The following CACNB2 variants were observed in gnomAD, a reference collection of about 807,000 sequenced individuals.
The protein encoded by CACNB2 is voltage-dependent L-type calcium channel subunit beta-2.
Under a neutral mutation model 73.3 loss-of-function variants are expected in CACNB2, and 42 were observed. The observed-to-expected ratio is 0.57, with a 90% CI of 0.45 to 0.74. The LOEUF (loss-of-function observed/expected upper bound fraction) is 0.74, where lower values mean the gene tolerates loss of function less well. Among genes scored for constraint, CACNB2 ranks in the 30% least tolerant of loss-of-function variants. The pLI is 0.00. For synonymous variants in CACNB2, 348 were observed against 310.3 expected (o/e 1.12, Z -1.28); for missense variants, 940 against 853.0 (o/e 1.10, Z -1.27).
intron 9 of CACNB2, among the ~76,000 whole-genome samples, chr10:18,524,532 G>A (rs537981185): frequency 6.9e-4 from 105 of 151,886 alleles, no homozygotes; most frequent in African/African-American, 2.4e-3. Context: ...GTGGGCACCT[G>A]TAATCCCAGC....
intron 2 of CACNB2, chr10:18,340,943 T>G: frequency 6.2e-7 from 1 of 1,614,160 alleles, no homozygotes; most frequent in South Asian, 1.1e-5. Context: ...GACAGACGCC[T>G]TATAGCTCCT....
At chr10:18,335,917 T>G (rs963725561) in intron 2 of CACNB2, among the ~76,000 whole-genome samples, 1 of 141,994 alleles carries the variant, frequency 7.0e-6, no homozygotes, top group Non-Finnish European at 1.5e-5. Context: ...TCCATCCTCA[T>G]CCTTCTCTTC....
At chr10:18,504,827 T>C (rs2050402813) in intron 5 of CACNB2, among the ~76,000 whole-genome samples, 1 of 152,174 alleles carries the variant, frequency 6.6e-6, no homozygotes, top group Admixed American at 6.5e-5. Context: ...GTATTTTTAG[T>C]AGAGACAGGG....
chr10:18,388,962 T>C (rs2043349490), intron 2 of CACNB2, among the ~76,000 whole-genome samples: 6 of 152,118 alleles, frequency 3.9e-5, no homozygotes, highest in Admixed American at 1.3e-4. Context: ...TTACAGAAAA[T>C]ATGTATAAAT....
At chr10:18,532,108 T>TTTTAC (rs1386811280) in intron 10 of CACNB2, 2 of 152,192 alleles carry the variant, frequency 1.3e-5, no homozygotes, top group African/African-American at 4.8e-5. Flanking sequence ...AAAGCATCAT[T>TTTTAC]TTTACTTTGA....
At chr10:18,301,021 C>T (rs1041205616) in intron 2 of CACNB2, among the ~76,000 whole-genome samples, 2 of 152,130 alleles carry the variant, frequency 1.3e-5, no homozygotes, top group African/African-American at 4.8e-5. Context: ...TTTTAACTTG[C>T]ATGTTACCCA....
chr10:18,481,191 GCT>G (rs1564598994), intron 3 of CACNB2, among the ~76,000 whole-genome samples: 2 of 40,522 alleles, frequency 4.9e-5, no homozygotes, highest in South Asian at 1.7e-3. Context: ...TTACATCTTC[GCT>G]ATATATATAT....
At chr10:18,442,476 A>G (rs950424491) in intron 3 of CACNB2, among the ~76,000 whole-genome samples, 3 of 151,914 alleles carry the variant, frequency 2.0e-5, no homozygotes, top group African/African-American at 7.2e-5. Flanking sequence ...TAGCTCAGGC[A>G]GAGTAATCGT....
chr10:18,400,449 C>A (rs751119408), intron 2 of CACNB2: 1 of 330,544 alleles, frequency 3.0e-6, no homozygotes, highest in Non-Finnish European at 4.3e-6. Flanking sequence ...GTTTACACTT[C>A]GGATGTAAAA....
chr10:18,535,994 C>T, intron 11 of CACNB2, 107 bp from the exon 12 acceptor site: 1 of 707,248 alleles, frequency 1.4e-6, no homozygotes, highest in African/African-American at 1.8e-5. Context: ...TATTATAAGC[C>T]CCTTGTGCTG....
In CACNB2 at chr10:18,296,361, G is replaced by A. The variant is rs561003579; in HGVS notation, c.214-105563G>A. 2.0e-5 allele frequency among the ~76,000 whole-genome samples: 3 copies of A among 152,076 alleles called. No individual in the cohort carries two copies. The South Asian group carries it at 6.2e-4, about 32-fold the overall frequency. ...AATTTTTTCAACTTTACTCACACTT[G>A]ACAGGAAATCATAGTGTGTCTGGTG... On this transcript the variant is annotated intron_variant, in intron 2 of 13. Coordinates refer to ENST00000324631, the MANE Select transcript of CACNB2 (RefSeq NM_201596.3).
intron 9 of CACNB2, among the ~76,000 whole-genome samples, chr10:18,520,304 A>G (rs1209889545): frequency 6.6e-6 from 1 of 152,072 alleles, no homozygotes; most frequent in African/African-American, 2.4e-5. Context: ...AGCCCAGATC[A>G]TTTTCCTTGA....
chr10:18,192,274 T>G (rs2034436479), intron 2 of CACNB2, among the ~76,000 whole-genome samples: 1 of 152,012 alleles, frequency 6.6e-6, no homozygotes, highest in Admixed American at 6.6e-5. Context: ...TTACGTTCAT[T>G]CATTCATTCA....
intron 3 of CACNB2, among the ~76,000 whole-genome samples, chr10:18,479,258 C>T (rs2048596771): frequency 1.3e-5 from 2 of 151,744 alleles, no homozygotes; most frequent in Admixed American, 1.3e-4. Context: ...TGTGTCTATC[C>T]TTCCTGACAC....
At chr10:18,361,523 A>G (rs1384017682) in intron 2 of CACNB2, among the ~76,000 whole-genome samples, 1 of 151,758 alleles carries the variant, frequency 6.6e-6, no homozygotes, top group African/African-American at 2.4e-5. Context: ...GAAAGAAAGA[A>G]AAAACAATTC....
At position 18,540,875 on chromosome 10, in the gene CACNB2, A is replaced by G. The variant is rs1056114986; in HGVS notation, c.*1151A>G. The G allele has an allele frequency of 2.0e-5, 3 of 152,608 alleles. No individual in the cohort carries two copies. In the East Asian group the frequency reaches 5.8e-4, roughly 29 times the overall value. 9.5% of individuals were successfully genotyped at this position (152,608 alleles called of 1,614,324 possible). A position where few individuals can be genotyped will look rare whatever the true frequency, so the allele number is the denominator to read the frequency against. ...AATTGTGCTATATGTTGCTTTAACA[A>G]CCCATTGAGCAGTCAGGGAATGTGA... On this transcript the variant is annotated 3_prime_UTR_variant, in exon 14 of 14. Coordinates refer to ENST00000324631, the MANE Select transcript of CACNB2 (RefSeq NM_201596.3).
intron 2 of CACNB2, among the ~76,000 whole-genome samples, chr10:18,230,402 A>T (rs1487195711): frequency 2.0e-5 from 3 of 152,154 alleles, no homozygotes; most frequent in Admixed American, 2.0e-4. Flanking sequence ...CTGTTATTAA[A>T]CACATGAATA....
At chr10:18,159,303 A>G (rs1588577185) in intron 2 of CACNB2, among the ~76,000 whole-genome samples, 1 of 152,040 alleles carries the variant, frequency 6.6e-6, no homozygotes, top group South Asian at 2.1e-4. Context: ...ATTTTTTTCC[A>G]TAGGTTGCTG....
intron 2 of CACNB2, among the ~76,000 whole-genome samples, chr10:18,398,982 A>G (rs960125438): frequency 6.6e-6 from 1 of 152,218 alleles, no homozygotes; most frequent in African/African-American, 2.4e-5. Context: ...TTTTAAAATA[A>G]TGAATGAGAC....
Sources: gnomAD v4.1 joint callset for allele counts (sites outside exome capture counted in the v4.1 genomes callset) on GRCh38, gnomAD v4.1.1 for gene constraint, MANE v1.5 for transcripts, NCBI Gene and HGNC (gene_info 2026-07-23, HGNC 2026-07-21) for gene names.